The following MYOC variants were observed in gnomAD, a reference collection of about 807,000 sequenced individuals.
The protein encoded by MYOC is juvenile-onset open-angle glaucoma 1.
A neutral mutation model predicts 28.2 loss-of-function variants in MYOC; 29 were observed. The ratio of observed to expected loss-of-function variants is 1.03; its 90% CI spans 0.77 to 1.40. The LOEUF is 1.40. Ranked by LOEUF, MYOC falls within the 40% of genes most tolerant of loss-of-function variation. The pLI is 0.00. For missense variants in MYOC, 569 were observed against 620.6 expected (o/e 0.92, Z 0.88); for synonymous variants, 240 against 245.6 (o/e 0.98, Z 0.21).
intron 1 of MYOC, among the ~76,000 whole-genome samples, chr1:171,643,803 T>TC (rs149220264): frequency 0.13 from 19,275 of 151,750 alleles, 1,275 homozygotes; most frequent in Middle Eastern, 0.27. Flanking sequence ...AAACCCTGTC[T>TC]CTACTAAAAA....
intron 1 of MYOC, among the ~76,000 whole-genome samples, chr1:171,645,152 C>T (rs1653170115): frequency 6.6e-6 from 1 of 152,218 alleles, no homozygotes; most frequent in South Asian, 2.1e-4. Context: ...TTTTCCTGTC[C>T]TGCGTCCATA....
At chr1:171,649,323 A>G (rs1653295171) in intron 1 of MYOC, among the ~76,000 whole-genome samples, 1 of 152,202 alleles carries the variant, frequency 6.6e-6, no homozygotes, top group Non-Finnish European at 1.5e-5. Context: ...CTTCACACCT[A>G]GTTCTTGCCA....
intron 2 of MYOC, among the ~76,000 whole-genome samples, chr1:171,637,818 G>A (rs1330596792): frequency 6.6e-6 from 1 of 151,930 alleles, no homozygotes; most frequent in African/African-American, 2.4e-5. Context: ...TCACCATGTT[G>A]GCCAGGCTGG....
chr1:171,637,855 C>T (rs1164025514), intron 2 of MYOC, among the ~76,000 whole-genome samples: 7 of 151,990 alleles, frequency 4.6e-5, no homozygotes, highest in African/African-American at 7.2e-5. Context: ...TCAAGTGATC[C>T]GCCCGCCTCA....
intron 1 of MYOC, among the ~76,000 whole-genome samples, chr1:171,641,408 A>C (rs1653075055): frequency 6.6e-6 from 1 of 151,882 alleles, no homozygotes; most frequent in African/African-American, 2.4e-5. Flanking sequence ...AGGATTGGGG[A>C]GTTTGAATAA....
At chr1:171,643,443 C>T (rs1206364983) in intron 1 of MYOC, 1 of 152,556 alleles carries the variant, frequency 6.6e-6, no homozygotes, top group African/African-American at 2.4e-5. Flanking sequence ...AGGCCCAGAA[C>T]ACACACCCAG....
Position 171,635,991 on chromosome 1 carries a change from C to T in MYOC, c.1449G>A (p.Glu483=). 1 of 1,614,214 alleles carries T rather than the reference C, an allele frequency of 6.2e-7. No homozygotes were observed. Among genetic ancestry groups the T allele is most frequent in the Non-Finnish European group, 8.5e-7 (1 of 1,180,036 alleles). ...AGTTGTCCCAGGCAAAGAGCTTCTT[C>T]TCCAGGGGGTTGTAGTCAATCATGC... The part of the protein sequence containing the change: ...YSSMIDYNPL[E]KKLFAWDNLN... The change falls in exon 3 of 3, where the codon GAG becomes GAA. Residue 483 remains glutamate, a synonymous_variant. Coordinates refer to ENST00000037502, the MANE Select transcript of MYOC (RefSeq NM_000261.2).
chr1:171,636,690 C>A lies in MYOC; in HGVS notation c.750G>T (p.Trp250Cys), dbSNP rs1234663139. 4.4e-6 allele frequency: 7 copies of A among 1,602,396 alleles called. No individual in the cohort carries two copies. The highest frequency in any genetic ancestry group is 3.4e-6 in the Non-Finnish European group (4 of 1,179,972). The change falls in exon 3 of 3, where the codon TGG becomes TGT. Residue 250 changes from tryptophan (W) to cysteine (C), a missense_variant. By Grantham distance (215) the Trp-to-Cys change is radical. Transcript: ENST00000037502. ...EGDTGCGELV[W>C]VGEPLTLRTA... ...TTCTCAGCGTGAGAGGCTCTCCTACCCAAACTAGTTCTCCACATCCTGGTA... is the reference window on the plus strand; with the variant it reads ...TTCTCAGCGTGAGAGGCTCTCCTACACAAACTAGTTCTCCACATCCTGGTA...
intron 1 of MYOC, among the ~76,000 whole-genome samples, chr1:171,648,257 A>G (rs1653251627): frequency 6.6e-6 from 1 of 151,828 alleles, no homozygotes; most frequent in African/African-American, 2.4e-5. Context: ...GGGAAGCGCA[A>G]TATACTCCAT....
chr1:171,636,865 G>C (rs1216711644), intron 2 of MYOC, among the ~76,000 whole-genome samples, 156 bp from the exon 3 acceptor site: 2 of 152,232 alleles, frequency 1.3e-5, no homozygotes, highest in Non-Finnish European at 2.9e-5. Flanking sequence ...CCCGCTGGCT[G>C]TGTGACTTTC....
chr1:171,649,654 G>C (rs935252180), intron 1 of MYOC, among the ~76,000 whole-genome samples: 4 of 152,118 alleles, frequency 2.6e-5, no homozygotes, highest in Non-Finnish European at 1.5e-5. Flanking sequence ...AATTAGCCGG[G>C]CATGGTGGCA....
In MYOC at chr1:171,636,664, G is replaced by A. The variant is rs1572210991; in HGVS notation, c.776C>T (p.Thr259Ile). The A allele has an allele frequency of 6.2e-7, 1 of 1,607,252 alleles. No homozygotes were observed. Among genetic ancestry groups the A allele is most frequent in the Non-Finnish European group, 8.5e-7 (1 of 1,180,002 alleles). The change falls in exon 3 of 3, where the codon ACA becomes ATA. Residue 259 changes from threonine (T) to isoleucine (I), a missense_variant. Coordinates refer to ENST00000037502, the MANE Select transcript of MYOC (RefSeq NM_000261.2). ...ATACTTGCCAGTAATTGTTTCTGCT[G>A]TTCTCAGCGTGAGAGGCTCTCCTAC... is the stretch of plus-strand genomic sequence containing the variant. ...VWVGEPLTLRTAETITGKYGV... is the reference protein window; with the variant it reads ...VWVGEPLTLRIAETITGKYGV...
intron 1 of MYOC, among the ~76,000 whole-genome samples, chr1:171,640,380 T>A (rs571859129): frequency 5.2e-4 from 79 of 152,290 alleles, no homozygotes; most frequent in Non-Finnish European, 8.7e-4. Flanking sequence ...ATTATGATCT[T>A]ACAGCAGTCT....
intron 1 of MYOC, among the ~76,000 whole-genome samples, chr1:171,643,881 G>C (rs1231522165): frequency 6.7e-6 from 1 of 148,626 alleles, no homozygotes; most frequent in Non-Finnish European, 1.5e-5. Flanking sequence ...TAAGTCAGGA[G>C]AATCGTTTGA....
At chr1:171,650,890 C>A (rs1653336053) in intron 1 of MYOC, among the ~76,000 whole-genome samples, 1 of 152,154 alleles carries the variant, frequency 6.6e-6, no homozygotes, top group Non-Finnish European at 1.5e-5. Flanking sequence ...TGACGCCTCA[C>A]CCTGGGTACT....
At chr1:171,644,948 G>A (rs1015416301) in intron 1 of MYOC, among the ~76,000 whole-genome samples, 1 of 152,112 alleles carries the variant, frequency 6.6e-6, no homozygotes, top group Non-Finnish European at 1.5e-5. Flanking sequence ...CATGTCTTCC[G>A]AGGCCATGGC....
intron 1 of MYOC, among the ~76,000 whole-genome samples, chr1:171,646,490 TTTTTTTTTTTG>T (rs974345350): frequency 1.0e-4 from 13 of 129,774 alleles, no homozygotes; most frequent in African/African-American, 3.8e-4. Context: ...TTTTTTAAGG[TTTTTTTTTTTG>T]TTTTTTTTTT....
At chr1:171,640,095 A>G (rs1156909098) in intron 1 of MYOC, among the ~76,000 whole-genome samples, 1 of 151,676 alleles carries the variant, frequency 6.6e-6, no homozygotes, top group Non-Finnish European at 1.5e-5. Flanking sequence ...AAAAAAAAAA[A>G]AGATAAAAGT....
chr1:171,652,014 T>C lies in MYOC; in HGVS notation c.598A>G (p.Arg200Gly). The change falls in exon 1 of 3, where the codon AGA becomes GGA. Residue 200 changes from arginine to glycine, a missense_variant. Transcript: ENST00000037502. ...DTARAVPPGS[R>G]EVSTWNLDTL... ...CCCCACTCTGCATTCTTACCTTCTC[T>C]GGAGCCTGGTGGCACAGCCCGAGCA... The C allele has an allele frequency of 1.2e-6, 2 of 1,614,218 alleles. No individual in the cohort carries two copies. The highest frequency in any genetic ancestry group is 2.2e-5 in the South Asian group (2 of 91,092).
Sources: allele counts gnomAD v4.1 joint callset (sites outside exome capture counted in the v4.1 genomes callset), GRCh38; gene constraint gnomAD v4.1.1; transcripts MANE v1.5; gene names NCBI Gene and HGNC (gene_info 2026-07-23, HGNC 2026-07-21).